Variants in KAT7 observed in about 807,000 individuals in gnomAD.
KAT7 encodes lysine acetyltransferase 7.
Under a neutral mutation model 82.1 loss-of-function variants are expected in KAT7, and 10 were observed. The ratio of observed to expected loss-of-function variants is 0.12; its 90% CI spans 0.08 to 0.21. KAT7 has a LOEUF of 0.21. KAT7 is among the 10% of genes least tolerant of loss of function. The probability of loss-of-function intolerance (pLI) is 1.00; values close to 1 mark genes in which losing one functional copy is unlikely to be tolerated. For synonymous variants in KAT7, 250 were observed against 262.5 expected, an observed-to-expected ratio of 0.95 and a Z score of 0.46; for missense variants, 378 against 760.9, an observed-to-expected ratio of 0.50 and a Z score of 5.92.
chr17:49,818,659 A>G, intron 9 of KAT7, among the ~76,000 whole-genome samples: 1 of 151,992 alleles, frequency 6.6e-6, no homozygotes, highest in Admixed American at 6.5e-5. Context: ...CTTTGTCTTA[A>G]GGGGAATTTC....
chr17:49,824,024 T>G (rs2074337645), intron 12 of KAT7, among the ~76,000 whole-genome samples: 1 of 152,162 alleles, frequency 6.6e-6, no homozygotes, highest in African/African-American at 2.4e-5. Flanking sequence ...TCAGGTGAAT[T>G]AGAGAGTTGC....
chr17:49,797,031 A>T, intron 3 of KAT7, 105 bp downstream of exon 3: 1 of 827,142 alleles, frequency 1.2e-6, no homozygotes, highest in Non-Finnish European at 1.9e-6. Flanking sequence ...TACTTCAGCT[A>T]GATGAATGCT....
intron 6 of KAT7, among the ~76,000 whole-genome samples, chr17:49,810,343 A>G (rs9910685): frequency 0.88 from 134,130 of 152,188 alleles, 59,235 homozygotes; most frequent in South Asian, 0.94. Context: ...TGCAACCTCC[A>G]TCTCCCAGGT....
intron 1 of KAT7, chr17:49,789,190 C>G: frequency 4.5e-6 from 1 of 222,626 alleles, no homozygotes; most frequent in Non-Finnish European, 8.9e-6. Flanking sequence ...TGGCCCCGGC[C>G]CCAGCGCTCT....
chr17:49,804,136 T>G (rs2074060599), intron 4 of KAT7, among the ~76,000 whole-genome samples: 2 of 152,062 alleles, frequency 1.3e-5, no homozygotes, highest in Admixed American at 6.5e-5. Context: ...TCCCAGCACT[T>G]TGGGAGGCTG....
rs2074389010 is a variant in KAT7 at position 49,828,051 on chromosome 17, C to CCT, written c.*552_*553dup. On this transcript the variant is annotated 3_prime_UTR_variant, in exon 15 of 15. Coordinates refer to ENST00000259021, the MANE Select transcript of KAT7 (RefSeq NM_007067.5). The stretch of plus-strand genomic sequence containing the variant: ...AAATTTCTTCATTTTGATTAAGAGA[C>CCT]CTCTTTTTGATCTGTATTGGGCTAA... 1 of 153,016 alleles carries CCT rather than the reference C, an allele frequency of 6.5e-6. No individual in the cohort carries two copies. The highest frequency in any genetic ancestry group is 1.5e-5 in the Non-Finnish European group (1 of 68,616). The allele number at this position is 153,016 out of a possible 1,614,324, so 9.5% of individuals were successfully genotyped here.
At chr17:49,789,534 T>C (rs2073856936) in intron 1 of KAT7, 1 of 152,220 alleles carries the variant, frequency 6.6e-6, no homozygotes, top group South Asian at 2.1e-4. Flanking sequence ...TAGAAGGCAC[T>C]TAGAAGATCA....
chr17:49,821,229 G>C, intron 9 of KAT7, 108 bp from the exon 10 acceptor site: 1 of 729,172 alleles, frequency 1.4e-6, no homozygotes. Flanking sequence ...TTGTCCAACT[G>C]TCCGGTAGCT....
intron 5 of KAT7, 29 bp from the exon 6 acceptor site, chr17:49,809,080 AGAAGCAGGTG>A: frequency 6.7e-7 from 1 of 1,494,944 alleles, no homozygotes; most frequent in Admixed American, 1.7e-5. Context: ...ACGTAGTCTT[AGAAGCAGGTG>A]GATTTATTGA....
intron 14 of KAT7, 140 bp downstream of exon 14, chr17:49,826,939 G>C (rs2074375646): frequency 5.1e-6 from 3 of 586,036 alleles, no homozygotes; most frequent in Non-Finnish European, 9.3e-6. Context: ...CATTTCTGTA[G>C]CTGGCAGTGA....
At chr17:49,810,141 G>A (rs1454688114) in intron 6 of KAT7, among the ~76,000 whole-genome samples, 1 of 152,184 alleles carries the variant, frequency 6.6e-6, no homozygotes, top group Non-Finnish European at 1.5e-5. Context: ...TACCTGGCAG[G>A]GGAGTCAGCT....
chr17:49,791,093 A>C (rs1264312865), intron 1 of KAT7, among the ~76,000 whole-genome samples: 1 of 152,238 alleles, frequency 6.6e-6, no homozygotes. Flanking sequence ...TTTCATGTGG[A>C]GAAACGTCAA....
chr17:49,817,535 C>G (rs1274060948), intron 8 of KAT7, among the ~76,000 whole-genome samples: 1 of 152,152 alleles, frequency 6.6e-6, no homozygotes, highest in Non-Finnish European at 1.5e-5. Context: ...TGCAGTAGTG[C>G]GATCTCGGTT....
chr17:49,829,396 A>G lies in KAT7; in HGVS notation c.*1894A>G, dbSNP rs927225049. 1 of 152,146 alleles carries G rather than the reference A, an allele frequency of 6.6e-6. No individual in the cohort carries two copies. The allele number at this position is 152,146 out of a possible 1,614,324, so 9.4% of individuals were successfully genotyped here. ...ATTCTTTCACTAAGTGCCATTTTCC[A>G]CTGATTTTAGGGGCAAAGGAACCAA... On this transcript the variant is annotated 3_prime_UTR_variant, in exon 15 of 15. Coordinates refer to ENST00000259021, the MANE Select transcript of KAT7 (RefSeq NM_007067.5).
chr17:49,818,939 A>T (rs1708943112), intron 9 of KAT7, among the ~76,000 whole-genome samples: 1 of 152,088 alleles, frequency 6.6e-6, no homozygotes. Flanking sequence ...GGGTTTCACC[A>T]TATTGACCAG....
chr17:49,792,257 TATA>T (rs946504340), intron 2 of KAT7, among the ~76,000 whole-genome samples: 1 of 152,180 alleles, frequency 6.6e-6, no homozygotes, highest in African/African-American at 2.4e-5. Flanking sequence ...CTGCGGATGG[TATA>T]ATGGATAGAG....
chr17:49,807,008 C>G (rs1211989045), intron 5 of KAT7, among the ~76,000 whole-genome samples: 1 of 152,134 alleles, frequency 6.6e-6, no homozygotes, highest in East Asian at 1.9e-4. Context: ...TTTGAAGAAC[C>G]TGCATATACA....
At chr17:49,793,957 A>G (rs533929667) in intron 2 of KAT7, among the ~76,000 whole-genome samples, 22 of 152,332 alleles carry the variant, frequency 1.4e-4, no homozygotes, top group African/African-American at 4.8e-4. Context: ...ATCCTCTTTA[A>G]CAACTGTTCC....
rs773068653 is a variant in KAT7, at chr17:49,796,794, C to A, written c.208C>A (p.Pro70Thr). 4 of 1,613,440 alleles carry A rather than the reference C, an allele frequency of 2.5e-6. No individual in the cohort carries two copies. The highest frequency in any genetic ancestry group is 3.4e-6 in the Non-Finnish European group (4 of 1,179,636). Residue 70 changes from proline to threonine, a missense_variant, in exon 3 of 15, where the codon CCT becomes ACT. Pro to Thr is a conservative substitution (Grantham distance 38). Transcript: ENST00000259021. ...RNLQSFGTEEPAYSTRRVTRS... is the reference protein window; with the variant it reads ...RNLQSFGTEETAYSTRRVTRS... The stretch of plus-strand genomic sequence containing the variant: ...TCTGCAGTCTTTTGGCACTGAGGAG[C>A]CTGCTTACTCTACCAGAAGAGTGAC...
Sources: gnomAD v4.1 joint callset for allele counts (sites outside exome capture counted in the v4.1 genomes callset) on GRCh38, gnomAD v4.1.1 for gene constraint, MANE v1.5 for transcripts, NCBI Gene and HGNC (gene_info 2026-07-23, HGNC 2026-07-21) for gene names.